Variants in PRKD3 observed in about 807,000 individuals in gnomAD.
PRKD3 encodes the protein protein kinase D3.
In PRKD3, 47 loss-of-function variants were observed where a neutral mutation model predicts 99.2. The observed-to-expected ratio is 0.47, with a 90% confidence interval of 0.38 to 0.60. The LOEUF (loss-of-function observed/expected upper bound fraction) is 0.60. PRKD3 is among the 20% of genes least tolerant of loss of function. The probability of loss-of-function intolerance (pLI) is 0.00; values close to 1 mark genes in which losing one functional copy is unlikely to be tolerated. For missense variants in PRKD3, 1,019 were observed against 1,088.4 expected (o/e 0.94, Z 0.90); for synonymous variants, 392 against 355.4 (o/e 1.10, Z -1.16).
chr2:37,282,373 A>G, intron 7 of PRKD3, 169 bp downstream of exon 7: 1 of 564,524 alleles, frequency 1.8e-6, no homozygotes, highest in East Asian at 2.8e-5. Flanking sequence ...CGTGATTACT[A>G]ATAAATGTAT....
intron 2 of PRKD3, among the ~76,000 whole-genome samples, chr2:37,307,439 T>C (rs1671214239): frequency 6.6e-6 from 1 of 152,196 alleles, no homozygotes; most frequent in South Asian, 2.1e-4. Flanking sequence ...TGGGCACAAC[T>C]AAGGCACCGG....
chr2:37,283,156 T>C (rs533438744), intron 6 of PRKD3, among the ~76,000 whole-genome samples: 1 of 152,338 alleles, frequency 6.6e-6, no homozygotes, highest in South Asian at 2.1e-4. Context: ...CAGATCAGTG[T>C]CAGGTACAAT....
intron 4 of PRKD3, among the ~76,000 whole-genome samples, chr2:37,290,644 T>C (rs964887277): frequency 4.6e-5 from 7 of 152,224 alleles, no homozygotes; most frequent in Non-Finnish European, 8.8e-5. Flanking sequence ...ATGAAACCAG[T>C]GGGGCAGAAT....
intron 2 of PRKD3, among the ~76,000 whole-genome samples, chr2:37,304,196 T>TAAAAAAAAAAAAAA (rs70949750): frequency 2.1e-5 from 2 of 93,972 alleles, no homozygotes; most frequent in African/African-American, 4.1e-5. Flanking sequence ...AGGTACTTAC[T>TAAAAAAAAAAAAAA]AAAAAAAAAA....
At chr2:37,260,934 A>G (rs1488061768) in intron 14 of PRKD3, among the ~76,000 whole-genome samples, 1 of 152,218 alleles carries the variant, frequency 6.6e-6, no homozygotes, top group African/African-American at 2.4e-5. Flanking sequence ...GGAGATACAC[A>G]AAGATGAATG....
intron 17 of PRKD3, among the ~76,000 whole-genome samples, chr2:37,255,252 A>T (rs1256278942): frequency 6.6e-6 from 1 of 152,156 alleles, no homozygotes; most frequent in Non-Finnish European, 1.5e-5. Flanking sequence ...TTGTTCTTAA[A>T]CTTTTCCCAG....
At chr2:37,311,240 G>A (rs537467521) in intron 2 of PRKD3, among the ~76,000 whole-genome samples, 2 of 152,230 alleles carry the variant, frequency 1.3e-5, no homozygotes, top group African/African-American at 4.8e-5. Flanking sequence ...GCAAAAAGTA[G>A]GATTGAAAAT....
rs765335925 is a variant in PRKD3 at position 37,279,708 on chromosome 2, T to G, written c.1172+38A>C. On this transcript the variant is annotated intron_variant, in intron 8 of 18. Coordinates refer to ENST00000234179, the MANE Select transcript of PRKD3 (RefSeq NM_005813.6). ...TCTTAATGAGATCCTGAACTGACCT[T>G]GCATCTGGAAGTAGCTTGTAATATG... is the stretch of plus-strand genomic sequence containing the variant. 6 of 1,529,866 alleles carry G rather than the reference T, an allele frequency of 3.9e-6. No individual in the cohort carries two copies. In the East Asian group the frequency reaches 1.4e-4, roughly 36 times the overall value. The allele number at this position is 1,529,866 out of a possible 1,614,324, so 94.8% of individuals were successfully genotyped here.
At position 37,319,130 on chromosome 2, in the gene PRKD3, G is replaced by C. The variant is rs185242550; in HGVS notation, c.-655-1951C>G. Among the ~76,000 whole-genome samples the C allele has an allele frequency of 2.0e-5, 3 of 152,256 alleles. No individual in the cohort carries two copies. The East Asian group carries it at 5.8e-4, about 29-fold the overall frequency. Reference sequence around the variant, plus strand: ...TAATCCTCACAGCAACTCATTATATGGTTGAGAAAACAAAGGTTTAGAGAT... The same window carrying C: ...TAATCCTCACAGCAACTCATTATATCGTTGAGAAAACAAAGGTTTAGAGAT... On this transcript the variant is annotated intron_variant, in intron 1 of 18. Coordinates refer to ENST00000234179, the MANE Select transcript of PRKD3 (RefSeq NM_005813.6).
intron 2 of PRKD3, among the ~76,000 whole-genome samples, chr2:37,303,209 C>T (rs1172786758): frequency 6.6e-6 from 1 of 152,126 alleles, no homozygotes; most frequent in Admixed American, 6.5e-5. Flanking sequence ...CCCGTCCCCT[C>T]TCCCACATCC....
At chr2:37,283,504 A>C (rs1669949416) in intron 6 of PRKD3, among the ~76,000 whole-genome samples, 1 of 152,256 alleles carries the variant, frequency 6.6e-6, no homozygotes, top group African/African-American at 2.4e-5. Context: ...ATTATATGAC[A>C]TAAGCCCCAT....
At position 37,254,193 on chromosome 2, in the gene PRKD3, T is replaced by A. The variant is rs1376819070; in HGVS notation, c.2499+11A>T. The stretch of plus-strand genomic sequence containing the variant: ...TGAGGATTGCCAAAGAGAGATTACA[T>A]TTTTTTTTACCTGTAGCCAGGGATG... On this transcript the variant is annotated intron_variant, in intron 18 of 18. Transcript: ENST00000234179. 1.4e-6 allele frequency: 2 copies of A among 1,426,492 alleles called. No individual in the cohort carries two copies. The highest frequency in any genetic ancestry group is 2.4e-5 in the South Asian group (2 of 83,332). The allele number at this position is 1,426,492 out of a possible 1,614,324, so 88.4% of individuals were successfully genotyped here.
At chr2:37,259,512 C>G in intron 16 of PRKD3, 71 bp downstream of exon 16, 1 of 1,225,110 alleles carries the variant, frequency 8.2e-7, no homozygotes, top group Non-Finnish European at 1.2e-6. Context: ...ACTTAGTACA[C>G]TGCCTTTTAT....
intron 2 of PRKD3, among the ~76,000 whole-genome samples, chr2:37,296,015 G>A (rs1286293751): frequency 6.6e-6 from 1 of 152,098 alleles, no homozygotes; most frequent in Non-Finnish European, 1.5e-5. Flanking sequence ...AATGGAAAGA[G>A]ACAAGGAACT....
At chr2:37,307,854 T>C (rs1305177513) in intron 2 of PRKD3, among the ~76,000 whole-genome samples, 1 of 152,238 alleles carries the variant, frequency 6.6e-6, no homozygotes, top group Non-Finnish European at 1.5e-5. Flanking sequence ...CGATAAATGA[T>C]CTGTTAGAGA....
At chr2:37,287,645 T>G (rs1477074173) in intron 5 of PRKD3, among the ~76,000 whole-genome samples, 1 of 152,200 alleles carries the variant, frequency 6.6e-6, no homozygotes, top group Non-Finnish European at 1.5e-5. Context: ...GTATTTGGAT[T>G]ATGTTTTATT....
intron 2 of PRKD3, among the ~76,000 whole-genome samples, chr2:37,298,858 T>TA (rs935749072): frequency 1.3e-5 from 2 of 152,194 alleles, no homozygotes; most frequent in Non-Finnish European, 2.9e-5. Context: ...TAGAAGATCA[T>TA]ATCGTCTGCA....
rs549563381 is a variant in PRKD3 at position 37,271,018 on chromosome 2, A to G, written c.1705-1331T>C. 8.5e-5 allele frequency among the ~76,000 whole-genome samples: 13 copies of G among 152,276 alleles called. 1 individual carries two copies. In the East Asian group the frequency reaches 2.1e-3, roughly 25 times the overall value. The stretch of plus-strand genomic sequence containing the variant: ...AATATGCTGTCTATTCTACCTCTCA[A>G]CAGGACAAGAGACTCATAGATTATA... On this transcript the variant is annotated intron_variant, in intron 12 of 18. Transcript: ENST00000234179.
intron 12 of PRKD3, among the ~76,000 whole-genome samples, chr2:37,270,819 A>G (rs1255820691): frequency 1.3e-5 from 2 of 152,218 alleles, no homozygotes; most frequent in African/African-American, 2.4e-5. Flanking sequence ...TGCATATATA[A>G]TAACTGCTAG....
Sources: allele counts gnomAD v4.1 joint callset (sites outside exome capture counted in the v4.1 genomes callset), GRCh38; gene constraint gnomAD v4.1.1; transcripts MANE v1.5; gene names NCBI Gene and HGNC (gene_info 2026-07-23, HGNC 2026-07-21).